ITGB1: variants seen among roughly 807,000 people sequenced by gnomAD.
ITGB1 encodes the protein integrin beta-1.
ITGB1 carries 24 observed loss-of-function variants against 86.5 expected under a neutral mutation model. The ratio of observed to expected loss-of-function variants is 0.28; its 90% CI spans 0.20 to 0.39. The LOEUF is 0.39. ITGB1 is among the 10% of genes least tolerant of loss of function. The probability of loss-of-function intolerance (pLI) is 1.00; values close to 1 mark genes in which losing one functional copy is unlikely to be tolerated. For missense variants in ITGB1, 556 were observed against 946.9 expected (o/e 0.59, Z 5.42); for synonymous variants, 323 against 316.8 (o/e 1.02, Z -0.21).
At chr10:32,946,038 G>T (rs946987118) in intron 1 of ITGB1, among the ~76,000 whole-genome samples, 1 of 152,162 alleles carries the variant, frequency 6.6e-6, no homozygotes, top group African/African-American at 2.4e-5. Flanking sequence ...CACCAAAGTT[G>T]AATGAATTTT....
In ITGB1 at chr10:32,923,709, A is replaced by T; in HGVS notation, c.818T>A (p.Leu273Gln). 6.2e-7 allele frequency: 1 copy of T among 1,613,860 alleles called. No homozygotes were observed. Among genetic ancestry groups the T allele is most frequent in the Non-Finnish European group, 8.5e-7 (1 of 1,179,866 alleles). Residue 273 changes from leucine to glutamine, a missense_variant, in exon 7 of 16, where the codon CTG becomes CAG. Around this residue, in one of 4 missense-constraint regions of ITGB1, gnomAD observed 25 missense variants for 76.3 expected, o/e 0.33. Coordinates refer to ENST00000302278, the MANE Select transcript of ITGB1 (RefSeq NM_002211.4). ...SLIGWRNVTRLLVFSTDAGFH... is the reference protein window; with the variant it reads ...SLIGWRNVTRQLVFSTDAGFH... ...CCCGGCATCTGTGGAAAACACCAGC[A>T]GCCGTGTAACATTCCTCCAGCCAAT...
chr10:32,922,418 TTTTATC>T, intron 8 of ITGB1, 72 bp from the exon 9 acceptor site: 4 of 1,051,180 alleles, frequency 3.8e-6, no homozygotes, highest in Non-Finnish European at 5.8e-6. Flanking sequence ...ACTGAGCAAC[TTTTATC>T]TTTAAATGCC....
At chr10:32,924,793 A>G (rs1425026963) in intron 6 of ITGB1, among the ~76,000 whole-genome samples, 2 of 152,236 alleles carry the variant, frequency 1.3e-5, no homozygotes, top group Admixed American at 6.5e-5. Flanking sequence ...CAAACACTCT[A>G]GTGAAAAGTC....
intron 1 of ITGB1, among the ~76,000 whole-genome samples, chr10:32,947,297 T>TA (rs35336165): frequency 0.34 from 49,980 of 147,600 alleles, 10,574 homozygotes; most frequent in Non-Finnish European, 0.49. Flanking sequence ...TTTCATTAAA[T>TA]AAAAAAAAAA....
chr10:32,912,087 T>A lies in ITGB1; in HGVS notation c.1507A>T (p.Ser503Cys). The A allele has an allele frequency of 6.2e-7, 1 of 1,614,174 alleles. No individual in the cohort carries two copies. The highest frequency in any genetic ancestry group is 1.3e-5 in the African/African-American group (1 of 75,076). ...TCTTCACTGTTAACTTCATCTGTGC[T>A]GCATTCACAATGTCTACCAACACGC... ...EGRVGRHCEC[S>C]TDEVNSEDMD... Residue 503 changes from serine (S) to cysteine (C), a missense_variant, in exon 12 of 16, where the codon AGC becomes TGC. By Grantham distance (112) the Ser-to-Cys change is moderately radical. Transcript: ENST00000302278.
At chr10:32,933,514 G>A (rs1293887471) in intron 2 of ITGB1, 2 of 152,106 alleles carry the variant, frequency 1.3e-5, no homozygotes, top group Admixed American at 6.5e-5. Context: ...CATGGTAAGC[G>A]CTAATACAGA....
intron 4 of ITGB1, among the ~76,000 whole-genome samples, chr10:32,928,942 T>C (rs1448591429): frequency 6.6e-6 from 1 of 151,970 alleles, no homozygotes; most frequent in East Asian, 1.9e-4. Flanking sequence ...TAGTTTTCTC[T>C]ATATAGATTT....
intron 6 of ITGB1, among the ~76,000 whole-genome samples, chr10:32,924,545 A>C (rs1436958124): frequency 1.3e-5 from 2 of 152,162 alleles, no homozygotes; most frequent in African/African-American, 4.8e-5. Flanking sequence ...ATTCTTTTGC[A>C]TCTAGAGGAG....
chr10:32,929,731 C>G, intron 4 of ITGB1, 91 bp downstream of exon 4: 1 of 768,522 alleles, frequency 1.3e-6, no homozygotes, highest in East Asian at 2.5e-5. Flanking sequence ...TAAAAACGAG[C>G]CTTCAACAGA....
At chr10:32,954,830 C>A (rs1230794795) in intron 1 of ITGB1, among the ~76,000 whole-genome samples, 1 of 152,196 alleles carries the variant, frequency 6.6e-6, no homozygotes, top group East Asian at 1.9e-4. Context: ...CACGCTTAAG[C>A]ATATTGCTAA....
rs934462077 is a variant in ITGB1, at chr10:32,935,372, G to T, written c.67+120C>A. 4.8e-5 allele frequency: 31 copies of T among 640,960 alleles called. 1 individual carries two copies. The highest frequency in any genetic ancestry group is 2.8e-6 in the Non-Finnish European group (1 of 354,190). 39.7% of individuals were successfully genotyped at this position (640,960 alleles called of 1,614,324 possible). A position where few individuals can be genotyped will look rare whatever the true frequency, so the allele number is the denominator to read the frequency against. Reference sequence around the variant, plus strand: ...CTTTCTCTGAGTAAGAGGAACAATTGCAGGGCTTCCAGAAGGAGCAGCATG... The same window carrying T: ...CTTTCTCTGAGTAAGAGGAACAATTTCAGGGCTTCCAGAAGGAGCAGCATG... On this transcript the variant is annotated intron_variant, in intron 2 of 15. Coordinates refer to ENST00000302278, the MANE Select transcript of ITGB1 (RefSeq NM_002211.4).
intron 1 of ITGB1, among the ~76,000 whole-genome samples, chr10:32,940,322 C>T (rs1027380730): frequency 3.4e-5 from 5 of 145,762 alleles, no homozygotes; most frequent in East Asian, 4.0e-4. Flanking sequence ...TCCAGCCTGG[C>T]GACAGAGCTA....
rs771807802 is a variant in ITGB1 at position 32,922,263 on chromosome 10, T to C, written c.1122A>G (p.Ala374=). 1.9e-6 allele frequency: 3 copies of C among 1,563,270 alleles called. No homozygotes were observed. The highest frequency in any genetic ancestry group is 3.4e-5 in the Admixed American group (2 of 58,858). ...TTATTTAAGATGTACTCACATTGTA[T>C]GCATCAATGATCAACTGAATTACAT... The part of the protein sequence containing the change: ...SSNVIQLIID[A]YNSLSSEVIL... The change falls in exon 9 of 16, where the codon GCA becomes GCG. Residue 374 remains alanine, a synonymous_variant. Coordinates refer to ENST00000302278, the MANE Select transcript of ITGB1 (RefSeq NM_002211.4).
chr10:32,951,151 T>C (rs1336520399), intron 1 of ITGB1, among the ~76,000 whole-genome samples: 2 of 152,070 alleles, frequency 1.3e-5, no homozygotes, highest in Non-Finnish European at 2.9e-5. Flanking sequence ...AGAGAAAATC[T>C]AGATCTCATT....
intron 3 of ITGB1, among the ~76,000 whole-genome samples, chr10:32,931,101 G>C (rs2094982046): frequency 6.6e-6 from 1 of 152,076 alleles, no homozygotes; most frequent in South Asian, 2.1e-4. Context: ...ATACTAATGA[G>C]AGTATTTATG....
intron 1 of ITGB1, chr10:32,945,033 G>A: frequency 1.7e-6 from 1 of 602,760 alleles, no homozygotes; most frequent in South Asian, 1.8e-5. Flanking sequence ...AGTAAGATGA[G>A]CAAACCTCCT....
chr10:32,931,816 A>C (rs2094984310), intron 3 of ITGB1, among the ~76,000 whole-genome samples: 1 of 152,154 alleles, frequency 6.6e-6, no homozygotes, highest in Admixed American at 6.5e-5. Flanking sequence ...AATAAACTAT[A>C]CAACCTCAAA....
At chr10:32,932,115 C>A (rs2094985251) in intron 3 of ITGB1, among the ~76,000 whole-genome samples, 2 of 151,744 alleles carry the variant, frequency 1.3e-5, no homozygotes, top group African/African-American at 2.4e-5. Context: ...AAGGTTCTCC[C>A]ATAAAAATCT....
intron 1 of ITGB1, chr10:32,944,882 G>C: frequency 1.5e-6 from 2 of 1,338,194 alleles, no homozygotes; most frequent in Admixed American, 1.7e-5. Context: ...TGATAAACCA[G>C]AGACGGTTAT....
Sources: gnomAD v4.1 joint callset for allele counts (sites outside exome capture counted in the v4.1 genomes callset) on GRCh38, gnomAD v4.1.1 for gene constraint, gnomAD v4.1.1 regional missense constraint, MANE v1.5 for transcripts, NCBI Gene and HGNC (gene_info 2026-07-23, HGNC 2026-07-21) for gene names.